ASAP2: variants seen among roughly 807,000 people sequenced by gnomAD.
ASAP2 encodes arf-GAP with SH3 domain, ANK repeat and PH domain-containing protein 2.
Under a neutral mutation model 131.4 loss-of-function variants are expected in ASAP2, and 45 were observed. That is an observed-to-expected ratio of 0.34 (90% CI 0.27 to 0.44). ASAP2 has a LOEUF of 0.44. ASAP2 is among the 20% of genes least tolerant of loss of function. The pLI is 1.00. For synonymous variants in ASAP2, 510 were observed against 503.0 expected, an observed-to-expected ratio of 1.01 and a Z score of -0.19; for missense variants, 1,011 against 1,297.0, an observed-to-expected ratio of 0.78 and a Z score of 3.39.
In ASAP2 at chr2:9,327,855, TA is replaced by T; in HGVS notation, c.635del (p.Lys212ArgfsTer3). The T allele has an allele frequency of 6.3e-7, 1 of 1,586,284 alleles. No homozygotes were observed. The highest frequency in any genetic ancestry group is 1.2e-5 in the South Asian group (1 of 84,896). ...TGCTGAAGGTCAACGAAATCAAGAT[TA>T]AAAAGGGAGTAGATTTACTTCAGAA... is the stretch of plus-strand genomic sequence containing the variant. ...YLLKVNEIKIKKGVDLLQNLI... is the reference protein window; with the variant it reads ...YLLKVNEIKIXKGVDLLQNLI... On this transcript the variant is annotated frameshift_variant, in exon 7 of 28. Coordinates refer to ENST00000281419, the MANE Select transcript of ASAP2 (RefSeq NM_003887.3). LOFTEE classifies it high-confidence loss of function.
At chr2:9,379,400 A>C (rs1454997098) in intron 19 of ASAP2, among the ~76,000 whole-genome samples, 1 of 152,110 alleles carries the variant, frequency 6.6e-6, no homozygotes, top group Non-Finnish European at 1.5e-5. Context: ...ACTCACCCCC[A>C]CCTGAGGCCA....
chr2:9,259,269 G>A (rs1033303734), intron 1 of ASAP2, among the ~76,000 whole-genome samples: 1 of 152,224 alleles, frequency 6.6e-6, no homozygotes, highest in Admixed American at 6.5e-5. Flanking sequence ...ATCCCTCAAC[G>A]CTGAGAATAA....
chr2:9,361,910 A>G (rs913067177), intron 15 of ASAP2, among the ~76,000 whole-genome samples: 6 of 151,418 alleles, frequency 4.0e-5, no homozygotes, highest in Non-Finnish European at 8.8e-5. Context: ...TGCTTAGACA[A>G]TCAGGTACTG....
chr2:9,327,852 G>C lies in ASAP2; in HGVS notation c.627G>C (p.Lys209Asn), dbSNP rs1670579038. The change falls in exon 7 of 28, where the codon AAG becomes AAC. Residue 209 changes from lysine to asparagine, a missense_variant. This residue lies in a region of ASAP2 where 359 missense variants were observed against 598.1 expected (regional missense o/e 0.60). Coordinates refer to ENST00000281419, the MANE Select transcript of ASAP2 (RefSeq NM_003887.3). Reference protein sequence around the residue: ...CEYLLKVNEIKIKKGVDLLQN... With the variant: ...CEYLLKVNEINIKKGVDLLQN... ...ATCTGCTGAAGGTCAACGAAATCAA[G>C]ATTAAAAAGGGAGTAGATTTACTTC... 6.3e-7 allele frequency: 1 copy of C among 1,586,802 alleles called. No individual in the cohort carries two copies. The highest frequency in any genetic ancestry group is 2.3e-5 in the East Asian group (1 of 43,036).
At chr2:9,348,685 A>G (rs1445607594) in intron 11 of ASAP2, among the ~76,000 whole-genome samples, 3 of 152,206 alleles carry the variant, frequency 2.0e-5, no homozygotes, top group Non-Finnish European at 2.9e-5. Flanking sequence ...AATTATTCCT[A>G]CTTCAAACAA....
chr2:9,368,138 T>G (rs1673623632), intron 15 of ASAP2, among the ~76,000 whole-genome samples: 1 of 152,164 alleles, frequency 6.6e-6, no homozygotes, highest in Non-Finnish European at 1.5e-5. Context: ...TGGGTAAGGA[T>G]GGAAATTCAC....
rs1473071997 is a variant in ASAP2, at chr2:9,392,377, G to A, written c.2519-1105G>A. Among the ~76,000 whole-genome samples the A allele has an allele frequency of 2.0e-5, 3 of 152,222 alleles. No individual in the cohort carries two copies. Among genetic ancestry groups the A allele is most frequent in the Non-Finnish European group, 4.4e-5 (3 of 68,032 alleles). On this transcript the variant is annotated intron_variant, in intron 23 of 27. Coordinates refer to ENST00000281419, the MANE Select transcript of ASAP2 (RefSeq NM_003887.3). The surrounding 1 kb of genome is among the most constrained non-coding windows in gnomAD (Gnocchi z 4.0). The stretch of plus-strand genomic sequence containing the variant: ...CTGGGCTTCATTGCTTCCAGAGCAT[G>A]AGAATTCTAGAGCCGAGGTGCTCGT...
chr2:9,322,056 G>T (rs1487209065), intron 5 of ASAP2, among the ~76,000 whole-genome samples: 1 of 152,142 alleles, frequency 6.6e-6, no homozygotes, highest in East Asian at 1.9e-4. Flanking sequence ...GTGAAGGAGT[G>T]TCAGCGACAC....
chr2:9,301,479 G>A (rs2148412070), intron 3 of ASAP2, among the ~76,000 whole-genome samples: 1 of 152,322 alleles, frequency 6.6e-6, no homozygotes, highest in Middle Eastern at 3.4e-3. Context: ...CTTCCCCAAT[G>A]GATGTGAGAA....
At chr2:9,253,797 C>G (rs573418298) in intron 1 of ASAP2, among the ~76,000 whole-genome samples, 4 of 152,058 alleles carry the variant, frequency 2.6e-5, no homozygotes, top group Non-Finnish European at 5.9e-5. Flanking sequence ...AGTAAGTTCC[C>G]CCTTAGCTGC....
In ASAP2 at chr2:9,313,887, C is replaced by T. The variant is rs75330699; in HGVS notation, c.346-4637C>T. On this transcript the variant is annotated intron_variant, in intron 3 of 27. Coordinates refer to ENST00000281419, the MANE Select transcript of ASAP2 (RefSeq NM_003887.3). ...TATCTGTGCAGTGTAAAATATGCTA[C>T]TATGTGGTATTCTTAGAATTTTACA... is the stretch of plus-strand genomic sequence containing the variant. Among the ~76,000 whole-genome samples the T allele has an allele frequency of 9.7e-3, 1,481 of 152,292 alleles. 29 individuals are homozygous for T. Among genetic ancestry groups the T allele is most frequent in the African/African-American group, 0.034 (1,407 of 41,538 alleles).
intron 1 of ASAP2, among the ~76,000 whole-genome samples, chr2:9,247,916 T>C (rs1487358753): frequency 1.3e-5 from 2 of 152,174 alleles, no homozygotes; most frequent in African/African-American, 2.4e-5. Flanking sequence ...ACTGATAACC[T>C]CTTTATGATG....
At chr2:9,225,582 G>A (rs545786789) in intron 1 of ASAP2, among the ~76,000 whole-genome samples, 11 of 152,320 alleles carry the variant, frequency 7.2e-5, no homozygotes, top group African/African-American at 2.6e-4. Flanking sequence ...ATGTCAGTTG[G>A]AAATTGATTC....
chr2:9,241,184 AT>A (rs1663937638), intron 1 of ASAP2, among the ~76,000 whole-genome samples: 1 of 152,262 alleles, frequency 6.6e-6, no homozygotes, highest in Non-Finnish European at 1.5e-5. Flanking sequence ...ATGAAATATT[AT>A]TAGCTCACAT....
At position 9,404,700 on chromosome 2, in the gene ASAP2, T is replaced by C. The variant is rs561502710; in HGVS notation, c.*1373T>C. 14 of 152,264 alleles carry C rather than the reference T, an allele frequency of 9.2e-5. No individual in the cohort carries two copies. The highest frequency in any genetic ancestry group is 3.1e-4 in the African/African-American group (13 of 41,446). 9.4% of individuals were successfully genotyped at this position (152,264 alleles called of 1,614,324 possible). The stretch of plus-strand genomic sequence containing the variant: ...CATTTGTTGTGATGGTGCATTTGAT[T>C]GAAGCAGCTTGTCTTTATTATGCAA... On this transcript the variant is annotated 3_prime_UTR_variant, in exon 28 of 28. Transcript: ENST00000281419.
At chr2:9,382,356 C>T (rs1156236508) in intron 20 of ASAP2, among the ~76,000 whole-genome samples, 2 of 152,218 alleles carry the variant, frequency 1.3e-5, no homozygotes, top group Non-Finnish European at 2.9e-5. Context: ...GATGAGGACA[C>T]AGGCACAGGA....
At chr2:9,390,642 G>A (rs1325081871) in intron 22 of ASAP2, among the ~76,000 whole-genome samples, 2 of 152,200 alleles carry the variant, frequency 1.3e-5, no homozygotes, top group Admixed American at 6.5e-5. Flanking sequence ...GGCACACGGT[G>A]TTCCTCTTCA....
intron 15 of ASAP2, among the ~76,000 whole-genome samples, chr2:9,367,732 G>A (rs543756213): frequency 6.6e-6 from 1 of 152,202 alleles, no homozygotes; most frequent in South Asian, 2.1e-4. Flanking sequence ...ACTGCACTTC[G>A]GCCTGGGCAA....
intron 19 of ASAP2, among the ~76,000 whole-genome samples, chr2:9,379,790 C>T (rs891204099): frequency 2.0e-5 from 3 of 151,994 alleles, no homozygotes; most frequent in Non-Finnish European, 4.4e-5. Flanking sequence ...GTCAAGAGAT[C>T]GAGACCATCT....
Sources: gnomAD v4.1 joint callset for allele counts (sites outside exome capture counted in the v4.1 genomes callset) on GRCh38, gnomAD v4.1.1 for gene constraint, gnomAD v4.1.1 regional missense constraint, Gnocchi (gnomAD v3.1) non-coding constraint, MANE v1.5 for transcripts, NCBI Gene and HGNC (gene_info 2026-07-23, HGNC 2026-07-21) for gene names.